Variants in ATG5 observed in about 807,000 individuals in gnomAD.
ATG5 encodes the protein autophagy protein 5.
ATG5 carries 14 observed loss-of-function variants against 36.5 expected under a neutral mutation model. The ratio of observed to expected loss-of-function variants is 0.38; its 90% confidence interval spans 0.25 to 0.60. ATG5 has a LOEUF of 0.60. Ranked by LOEUF, ATG5 falls within the 20% of genes least tolerant of loss-of-function variation. The probability of loss-of-function intolerance (pLI) is 0.60; values close to 1 mark genes in which losing one functional copy is unlikely to be tolerated. For missense variants in ATG5, 195 were observed against 326.7 expected, an observed-to-expected ratio of 0.60 and a Z score of 3.11; for synonymous variants, 95 against 101.5, an observed-to-expected ratio of 0.94 and a Z score of 0.38.
At chr6:106,192,999 G>C (rs933088164) in intron 7 of ATG5, among the ~76,000 whole-genome samples, 7 of 152,182 alleles carry the variant, frequency 4.6e-5, no homozygotes, top group African/African-American at 1.7e-4. Context: ...AGGTCAAAGA[G>C]GGTTAAACCA....
chr6:106,269,596 T>A (rs954967088), intron 5 of ATG5, among the ~76,000 whole-genome samples: 4 of 152,188 alleles, frequency 2.6e-5, no homozygotes, highest in African/African-American at 9.7e-5. Flanking sequence ...GCAGCGCCGG[T>A]GGGCCGTCAC....
chr6:106,207,012 A>G (rs1165563261), intron 6 of ATG5, among the ~76,000 whole-genome samples: 1 of 152,244 alleles, frequency 6.6e-6, no homozygotes, highest in Non-Finnish European at 1.5e-5. Context: ...AAACAGGAAT[A>G]TACCACAATA....
At chr6:106,223,256 A>G (rs1004833492) in intron 6 of ATG5, among the ~76,000 whole-genome samples, 16 of 152,232 alleles carry the variant, frequency 1.1e-4, no homozygotes, top group Admixed American at 2.0e-4. Context: ...TCCTACTCTT[A>G]TAACATGACA....
intron 6 of ATG5, among the ~76,000 whole-genome samples, chr6:106,236,032 G>C (rs1372650002): frequency 6.6e-6 from 1 of 152,098 alleles, no homozygotes; most frequent in Non-Finnish European, 1.5e-5. Flanking sequence ...GGCCTCAGAA[G>C]AATCATTTTT....
At chr6:106,244,781 T>C (rs1778265644) in intron 6 of ATG5, among the ~76,000 whole-genome samples, 1 of 152,224 alleles carries the variant, frequency 6.6e-6, no homozygotes, top group Non-Finnish European at 1.5e-5. Flanking sequence ...GGCAAATATG[T>C]GTGTAAATAA....
intron 6 of ATG5, among the ~76,000 whole-genome samples, chr6:106,221,713 A>AAG (rs1396888108): frequency 6.6e-6 from 1 of 151,372 alleles, no homozygotes; most frequent in Non-Finnish European, 1.5e-5. Context: ...GAAAGAAAGA[A>AAG]AAAAAAATCA....
intron 6 of ATG5, among the ~76,000 whole-genome samples, chr6:106,202,617 G>A (rs1247760096): frequency 6.6e-6 from 1 of 152,114 alleles, no homozygotes; most frequent in East Asian, 1.9e-4. Flanking sequence ...GAAATTCATT[G>A]TTCAAGTGTT....
chr6:106,233,493 A>G (rs926140941), intron 6 of ATG5, among the ~76,000 whole-genome samples: 3 of 152,160 alleles, frequency 2.0e-5, no homozygotes, highest in Non-Finnish European at 2.9e-5. Flanking sequence ...CATGTCACAG[A>G]AAAAAACAGA....
chr6:106,315,769 A>G (rs1390156855), intron 2 of ATG5, among the ~76,000 whole-genome samples: 1 of 152,172 alleles, frequency 6.6e-6, no homozygotes, highest in Non-Finnish European at 1.5e-5. Context: ...TTCCATTATC[A>G]TACATTTATT....
At chr6:106,272,603 C>T (rs535047834) in intron 5 of ATG5, among the ~76,000 whole-genome samples, 5 of 152,282 alleles carry the variant, frequency 3.3e-5, no homozygotes, top group Admixed American at 6.5e-5. Flanking sequence ...GTAACAATTA[C>T]GTAAAAGTGA....
At chr6:106,250,055 CT>C (rs147750476) in intron 5 of ATG5, among the ~76,000 whole-genome samples, 3,974 of 151,016 alleles carry the variant, frequency 0.026, 68 homozygotes, top group African/African-American at 0.051. Context: ...TAAGCAACTC[CT>C]TTTTTTTTAA....
chr6:106,220,226 T>A (rs1370217457), intron 6 of ATG5, among the ~76,000 whole-genome samples: 1 of 152,198 alleles, frequency 6.6e-6, no homozygotes, highest in Admixed American at 6.5e-5. Context: ...GAGTTTCAAG[T>A]ATGCATATGT....
chr6:106,323,347 T>G lies in ATG5; in HGVS notation c.-59+2179A>C, dbSNP rs901680793. On this transcript the variant is annotated intron_variant, in intron 1 of 7. Transcript: ENST00000369076. ...TACAGTGAAGGATCATGGGTCACTG[T>G]AACCTTGAGCTCAAGGGGGTCAAGT... Among the ~76,000 whole-genome samples, 4 of 146,788 alleles carry G rather than the reference T, an allele frequency of 2.7e-5. No homozygotes were observed. In the East Asian group the frequency reaches 8.1e-4, roughly 30 times the overall value.
At chr6:106,192,016 T>C (rs1270136004) in intron 7 of ATG5, among the ~76,000 whole-genome samples, 2 of 152,102 alleles carry the variant, frequency 1.3e-5, no homozygotes, top group Non-Finnish European at 2.9e-5. Flanking sequence ...TTTTAATAAA[T>C]GTATTTTTTA....
At chr6:106,308,330 C>A (rs779814301) in intron 3 of ATG5, 34 bp downstream of exon 3, 7 of 1,524,274 alleles carry the variant, frequency 4.6e-6, no homozygotes, top group South Asian at 1.3e-5. Flanking sequence ...CTAGTATATA[C>A]TTAATGCTTA....
intron 3 of ATG5, among the ~76,000 whole-genome samples, chr6:106,293,975 T>C (rs1780429788): frequency 6.6e-6 from 1 of 152,198 alleles, no homozygotes; most frequent in Non-Finnish European, 1.5e-5. Context: ...AGCTTTTTTT[T>C]TTTTCTTCAA....
intron 3 of ATG5, among the ~76,000 whole-genome samples, chr6:106,307,803 T>C (rs1170073717): frequency 9.9e-5 from 15 of 152,186 alleles, no homozygotes; most frequent in Admixed American, 9.8e-4. Flanking sequence ...CCCAAAGTGC[T>C]GGGATTCGTG....
chr6:106,241,845 G>A (rs1187205979), intron 6 of ATG5, among the ~76,000 whole-genome samples: 1 of 152,070 alleles, frequency 6.6e-6, no homozygotes, highest in Admixed American at 6.5e-5. Context: ...GGTCTGATGA[G>A]GTAGGCTGCA....
chr6:106,308,084 T>C (rs1770515840), intron 3 of ATG5, among the ~76,000 whole-genome samples: 1 of 152,178 alleles, frequency 6.6e-6, no homozygotes, highest in Non-Finnish European at 1.5e-5. Flanking sequence ...GAGTTTTAAA[T>C]ATATCTGAAA....
Sources: allele counts gnomAD v4.1 joint callset (sites outside exome capture counted in the v4.1 genomes callset), GRCh38; gene constraint gnomAD v4.1.1; transcripts MANE v1.5; gene names NCBI Gene and HGNC (gene_info 2026-07-23, HGNC 2026-07-21).